Variants in ZXDC observed in about 807,000 individuals in gnomAD.
ZXDC encodes zinc finger protein ZXDC.
ZXDC carries 58 observed loss-of-function variants against 63.6 expected under a neutral mutation model. The ratio of observed to expected loss-of-function variants is 0.91; its 90% CI spans 0.74 to 1.13. ZXDC has a LOEUF of 1.13. Among genes scored for constraint, ZXDC ranks in the 50% most tolerant of loss-of-function variants. The pLI, the probability that ZXDC is intolerant of heterozygous loss-of-function variation, is 0.00. For synonymous variants in ZXDC, 561 were observed against 496.1 expected, an observed-to-expected ratio of 1.13 and a Z score of -1.74; for missense variants, 1,133 against 1,148.9, an observed-to-expected ratio of 0.99 and a Z score of 0.20.
In ZXDC at chr3:126,472,151, A is replaced by G; in HGVS notation, c.1060+2T>C. The G allele has an allele frequency of 6.2e-7, 1 of 1,609,952 alleles. No homozygotes were observed. Among genetic ancestry groups the G allele is most frequent in the Non-Finnish European group, 8.5e-7 (1 of 1,176,454 alleles). On this transcript the variant is annotated splice_donor_variant, in intron 2 of 9. Coordinates refer to ENST00000389709, the MANE Select transcript of ZXDC (RefSeq NM_025112.5). LOFTEE classifies it high-confidence loss of function. ...AATGCTGTGCGTTCCCTAGCTCATT[A>G]CCTGTATGGCTCCGCAGGTGAATTT...
At chr3:126,461,410 G>A (rs1293005437) in intron 6 of ZXDC, 125 bp downstream of exon 6, 1 of 1,437,428 alleles carries the variant, frequency 7.0e-7, no homozygotes. Context: ...CAGACTTGTA[G>A]TCCAGGGCTG....
chr3:126,451,998 T>A (rs990974417), intron 7 of ZXDC: 2 of 985,418 alleles, frequency 2.0e-6, no homozygotes, highest in Middle Eastern at 5.2e-4. Flanking sequence ...CTTTAACCTC[T>A]CATCTTCATT....
chr3:126,466,610 G>A (rs1287216042), intron 4 of ZXDC, among the ~76,000 whole-genome samples: 1 of 152,362 alleles, frequency 6.6e-6, no homozygotes, highest in East Asian at 1.9e-4. Flanking sequence ...CCACTACATG[G>A]AGATGTTGGG....
intron 7 of ZXDC, 89 bp from the exon 8 acceptor site, chr3:126,442,035 C>T (rs1933701892): frequency 7.4e-7 from 1 of 1,350,492 alleles, no homozygotes; most frequent in Non-Finnish European, 9.6e-7. Context: ...GGGAAGACAG[C>T]CTTCCCATTA....
Position 126,452,455 on chromosome 3 carries a change from C to T in ZXDC, c.2212+7198G>A, listed in dbSNP as rs778798068. On this transcript the variant is annotated intron_variant, in intron 7 of 9. Transcript: ENST00000389709. ...TCCTCCCCACTGCTGTTGCCACTCT[C>T]GTTCCTAACAGGTGAGCACACAGGC... is the stretch of plus-strand genomic sequence containing the variant. 7.0e-4 allele frequency: 691 copies of T among 985,386 alleles called. 1 individual carries two copies. The highest frequency in any genetic ancestry group is 7.9e-4 in the Non-Finnish European group (659 of 829,916). 61.0% of individuals were successfully genotyped at this position (985,386 alleles called of 1,614,324 possible). A position where few individuals can be genotyped will look rare whatever the true frequency, so the allele number is the denominator to read the frequency against.
intron 1 of ZXDC, among the ~76,000 whole-genome samples, chr3:126,473,738 A>T (rs1032060774): frequency 1.3e-4 from 20 of 152,210 alleles, no homozygotes; most frequent in African/African-American, 4.8e-4. Flanking sequence ...TCCTTTAAAA[A>T]TTCTTGTTTA....
intron 6 of ZXDC, chr3:126,460,866 G>T (rs1934500045): frequency 1.0e-6 from 1 of 985,266 alleles, no homozygotes; most frequent in African/African-American, 1.7e-5. Flanking sequence ...CAATATAAAT[G>T]TCACCATCAA....
intron 3 of ZXDC, among the ~76,000 whole-genome samples, chr3:126,471,325 T>A (rs912482949): frequency 6.6e-6 from 1 of 152,200 alleles, no homozygotes; most frequent in Non-Finnish European, 1.5e-5. Flanking sequence ...GATGAAGGTG[T>A]TTCTATTGTT....
intron 4 of ZXDC, among the ~76,000 whole-genome samples, chr3:126,467,917 G>A (rs1934838165): frequency 6.6e-6 from 1 of 152,146 alleles, no homozygotes; most frequent in Admixed American, 6.5e-5. Flanking sequence ...TGCCAGCACT[G>A]GGTTTCCATT....
At chr3:126,458,463 C>T (rs891349384) in intron 7 of ZXDC, 26 of 393,642 alleles carry the variant, frequency 6.6e-5, no homozygotes, top group Non-Finnish European at 9.0e-5. Flanking sequence ...GTCTCGAACT[C>T]CTGACCTCAG....
intron 7 of ZXDC, chr3:126,454,423 G>A (rs1934232275): frequency 1.0e-6 from 1 of 985,402 alleles, no homozygotes; most frequent in Non-Finnish European, 1.2e-6. Flanking sequence ...TTGTCCCCAT[G>A]CTTTTTCCTT....
At chr3:126,447,628 C>T (rs893246529) in intron 7 of ZXDC, among the ~76,000 whole-genome samples, 6 of 152,202 alleles carry the variant, frequency 3.9e-5, no homozygotes, top group Admixed American at 3.9e-4. Flanking sequence ...ATGCCAACAT[C>T]TCTCCACTGA....
intron 7 of ZXDC, chr3:126,450,664 C>A (rs993777192): frequency 7.9e-6 from 3 of 379,440 alleles, no homozygotes; most frequent in African/African-American, 6.3e-5. Context: ...AGGGTGGTCC[C>A]TTCTGCTTTC....
Position 126,475,694 on chromosome 3 carries a change from C to A in ZXDC, c.172G>T (p.Ala58Ser). The A allele has an allele frequency of 7.7e-7, 1 of 1,306,844 alleles. No homozygotes were observed. Among genetic ancestry groups the A allele is most frequent in the Non-Finnish European group, 9.7e-7 (1 of 1,029,682 alleles). 81.0% of individuals were successfully genotyped at this position (1,306,844 alleles called of 1,614,324 possible). ...GCGGGCGGCGGGCTTGGCCCGGAGG[C>A]CTCCCCGGGCCGCGCCCCGGGCCCG... is the stretch of plus-strand genomic sequence containing the variant. Reference protein sequence around the residue: ...DGGPGARPGEASGPSPPPAED... With the variant: ...DGGPGARPGESSGPSPPPAED... Residue 58 changes from alanine (A) to serine (S), a missense_variant, in exon 1 of 10, where the codon GCC becomes TCC. Transcript: ENST00000389709.
In ZXDC at chr3:126,437,973, A is replaced by C. The variant is rs915380358; in HGVS notation, c.*402T>G. 2.6e-5 allele frequency: 5 copies of C among 193,336 alleles called. No individual in the cohort carries two copies. The highest frequency in any genetic ancestry group is 1.7e-4 in the South Asian group (2 of 11,810). 12.0% of individuals were successfully genotyped at this position (193,336 alleles called of 1,614,324 possible). Reference sequence around the variant, plus strand: ...GCTAACACACTGAAGCTGAAAGACCACACTTGGTTTTGCCACAGATCAAGC... The same window carrying C: ...GCTAACACACTGAAGCTGAAAGACCCCACTTGGTTTTGCCACAGATCAAGC... On this transcript the variant is annotated 3_prime_UTR_variant, in exon 10 of 10. Transcript: ENST00000389709.
rs776968364 is a variant in ZXDC at position 126,462,076 on chromosome 3, G to A, written c.1586C>T (p.Ser529Leu). 48 of 1,613,982 alleles carry A rather than the reference G, an allele frequency of 3.0e-5. No individual in the cohort carries two copies. The highest frequency in any genetic ancestry group is 1.6e-4 in the Middle Eastern group (1 of 6,084). Residue 529 changes from serine (S) to leucine (L), a missense_variant, in exon 6 of 10, where the codon TCG becomes TTG. Coordinates refer to ENST00000389709, the MANE Select transcript of ZXDC (RefSeq NM_025112.5). ...GATTCCGGAGTTCAGAGCCTCATCC[G>A]ACCCACCTGCAGAACCACTAGCATT... The part of the protein sequence containing the change: ...PANASGSAGG[S>L]DEALNSGILT...
chr3:126,459,296 T>C (rs914593775), intron 7 of ZXDC: 3 of 985,434 alleles, frequency 3.0e-6, no homozygotes, highest in Non-Finnish European at 3.6e-6. Flanking sequence ...GTCTCTGCCA[T>C]GCCAAGATCA....
rs1340103585 is a variant in ZXDC at position 126,465,459 on chromosome 3, G to A, written c.1441+696C>T. Among the ~76,000 whole-genome samples the A allele has an allele frequency of 7.9e-5, 12 of 152,140 alleles. No individual in the cohort carries two copies. The South Asian group carries it at 1.2e-3, about 16-fold the overall frequency. ...TCTAACCCTGCCCTCTCCAGCCCTC[G>A]TTACTCCCAGTCCACTCCTGAAACA... On this transcript the variant is annotated intron_variant, in intron 5 of 9. Coordinates refer to ENST00000389709, the MANE Select transcript of ZXDC (RefSeq NM_025112.5).
Position 126,475,603 on chromosome 3 carries a change from GC to G in ZXDC, c.262del (p.Ala88ProfsTer36). ...LLEVPHGGAA[A>X]EAAGSQEAEP... ...GGCCTCCTGTGATCCGGCAGCCTCG[GC>G]GGCAGCGCCGCCGTGCGGCACTTCC... On this transcript the variant is annotated frameshift_variant, in exon 1 of 10. Transcript: ENST00000389709. LOFTEE classifies it high-confidence loss of function. 1 of 1,470,140 alleles carries G rather than the reference GC, an allele frequency of 6.8e-7. No individual in the cohort carries two copies. The highest frequency in any genetic ancestry group is 9.0e-7 in the Non-Finnish European group (1 of 1,108,846). The allele number at this position is 1,470,140 out of a possible 1,614,324, so 91.1% of individuals were successfully genotyped here. A position where few individuals can be genotyped will look rare whatever the true frequency, so the allele number is the denominator to read the frequency against.
Sources: gnomAD v4.1 joint callset for allele counts (sites outside exome capture counted in the v4.1 genomes callset) on GRCh38, gnomAD v4.1.1 for gene constraint, MANE v1.5 for transcripts, NCBI Gene and HGNC (gene_info 2026-07-23, HGNC 2026-07-21) for gene names.